Variants in TMX3 observed in about 807,000 individuals in gnomAD.
TMX3 encodes protein disulfide-isomerase TMX3.
TMX3 carries 40 observed loss-of-function variants against 64.4 expected under a neutral mutation model. The ratio of observed to expected loss-of-function variants is 0.62; its 90% CI spans 0.48 to 0.81. The LOEUF (loss-of-function observed/expected upper bound fraction) is 0.81, where lower values mean the gene tolerates loss of function less well. Among genes scored for constraint, TMX3 ranks in the 30% least tolerant of loss-of-function variants. The pLI, the probability that TMX3 is intolerant of heterozygous loss-of-function variation, is 0.00. For missense variants in TMX3, 497 were observed against 534.5 expected, an observed-to-expected ratio of 0.93 and a Z score of 0.69; for synonymous variants, 189 against 175.7, an observed-to-expected ratio of 1.08 and a Z score of -0.60.
chr18:68,681,668 A>G, intron 13 of TMX3: 1 of 977,282 alleles, frequency 1.0e-6, no homozygotes, highest in Non-Finnish European at 1.2e-6. Flanking sequence ...GTTCTTACTT[A>G]GAAAATAGAA....
intron 4 of TMX3, among the ~76,000 whole-genome samples, chr18:68,703,759 T>C (rs550361510): frequency 3.9e-5 from 6 of 152,000 alleles, no homozygotes; most frequent in Non-Finnish European, 8.8e-5. Flanking sequence ...TGAAACCCCG[T>C]CTCTACTAAA....
At chr18:68,709,690 A>G (rs2031062577) in intron 4 of TMX3, among the ~76,000 whole-genome samples, 1 of 152,118 alleles carries the variant, frequency 6.6e-6, no homozygotes, top group Non-Finnish European at 1.5e-5. Flanking sequence ...AGCACATCTC[A>G]GGCTACTCAG....
intron 11 of TMX3, 50 bp from the exon 12 acceptor site, chr18:68,684,293 T>G (rs757516678): frequency 6.5e-7 from 1 of 1,529,850 alleles, no homozygotes; most frequent in South Asian, 1.2e-5. Flanking sequence ...TTGAAAAACA[T>G]AATTTTTCAA....
chr18:68,703,673 T>C (rs2030355856), intron 4 of TMX3, among the ~76,000 whole-genome samples: 1 of 152,102 alleles, frequency 6.6e-6, no homozygotes, highest in Non-Finnish European at 1.5e-5. Context: ...CAGTATAACA[T>C]TTAAAAAAAG....
At chr18:68,683,159 A>T (rs938181128) in intron 12 of TMX3, among the ~76,000 whole-genome samples, 178 bp from the exon 13 acceptor site, 1 of 152,182 alleles carries the variant, frequency 6.6e-6, no homozygotes, top group East Asian at 1.9e-4. Flanking sequence ...AACACTGCTA[A>T]AAGTGTAAAT....
rs1012749171 is a variant in TMX3, at chr18:68,694,438, G to A, written c.570+2788C>T. On this transcript the variant is annotated intron_variant, in intron 8 of 15. Coordinates refer to ENST00000299608, the MANE Select transcript of TMX3 (RefSeq NM_019022.5). ...GCAGGTGCCTGGAGCTGCCTTCCCC[G>A]TGGCAGCCAGCATGCCTGGCTGTGC... is the stretch of plus-strand genomic sequence containing the variant. 3.3e-5 allele frequency among the ~76,000 whole-genome samples: 5 copies of A among 152,294 alleles called. No homozygotes were observed. The South Asian group carries it at 6.2e-4, about 19-fold the overall frequency.
At chr18:68,693,268 C>T (rs909563284) in intron 8 of TMX3, among the ~76,000 whole-genome samples, 3 of 152,144 alleles carry the variant, frequency 2.0e-5, no homozygotes, top group Non-Finnish European at 2.9e-5. Context: ...AGGGACTGCA[C>T]GCTCCGTGGA....
chr18:68,684,436 T>G lies in TMX3; in HGVS notation c.786A>C (p.Glu262Asp), dbSNP rs776123345. 1 of 1,612,782 alleles carries G rather than the reference T, an allele frequency of 6.2e-7. No individual in the cohort carries two copies. Among genetic ancestry groups the G allele is most frequent in the Non-Finnish European group, 8.5e-7 (1 of 1,179,430 alleles). The change falls in exon 11 of 16, where the codon GAA becomes GAC. Residue 262 changes from glutamate to aspartate, a missense_variant. Glu to Asp is a conservative substitution (Grantham distance 45). Around this residue, in one of 3 missense-constraint regions of TMX3, gnomAD observed 360 missense variants for 383.5 expected, o/e 0.94. Transcript: ENST00000299608. ...ATATCAAGGCATTATACCTGGTATG[T>G]TCAACTGATGTATTTTTCTCATCAA... ...AVIDEKNTSVEHTRLKSIIQE... is the reference protein window; with the variant it reads ...AVIDEKNTSVDHTRLKSIIQE...
chr18:68,678,285 G>C (rs1209017055), intron 15 of TMX3, among the ~76,000 whole-genome samples: 1 of 152,154 alleles, frequency 6.6e-6, no homozygotes, highest in African/African-American at 2.4e-5. Flanking sequence ...TTGGGCCACA[G>C]TGAATGAAAA....
chr18:68,700,919 A>G (rs2029995996), intron 5 of TMX3: 2 of 985,122 alleles, frequency 2.0e-6, no homozygotes, highest in Non-Finnish European at 1.2e-6. Flanking sequence ...ATGCTCCAAC[A>G]TTACAGAGTA....
intron 10 of TMX3, among the ~76,000 whole-genome samples, chr18:68,685,156 C>T (rs1599302928): frequency 6.6e-6 from 1 of 152,148 alleles, no homozygotes; most frequent in East Asian, 1.9e-4. Flanking sequence ...GGCACCATAC[C>T]AAGCCACAGG....
chr18:68,700,489 T>TAAA lies in TMX3; in HGVS notation c.312-7_312-5dup. 4.1e-5 allele frequency: 48 copies of TAAA among 1,168,568 alleles called. No homozygotes were observed. The highest frequency in any genetic ancestry group is 2.3e-4 in the Middle Eastern group (1 of 4,428). The allele number at this position is 1,168,568 out of a possible 1,614,324, so 72.4% of individuals were successfully genotyped here. On this transcript the variant is annotated splice_region_variant and splice_polypyrimidine_tract_variant and intron_variant, in intron 5 of 15. Coordinates refer to ENST00000299608, the MANE Select transcript of TMX3 (RefSeq NM_019022.5). ...ATATGCCAAGTCCCCTTTTAATCTT[T>TAAA]AAAAAAAAAAAAAAATTAAAACCTG...
intron 4 of TMX3, among the ~76,000 whole-genome samples, chr18:68,706,828 T>C (rs988006109): frequency 6.6e-6 from 1 of 152,230 alleles, no homozygotes; most frequent in African/African-American, 2.4e-5. Context: ...GGCAAAAATC[T>C]GTTTGTAATA....
At chr18:68,709,998 T>C (rs1308480768) in intron 4 of TMX3, 23 bp downstream of exon 4, 2 of 1,564,266 alleles carry the variant, frequency 1.3e-6, no homozygotes, top group African/African-American at 1.4e-5. Flanking sequence ...AACAGTAAAA[T>C]AATAAACTAA....
chr18:68,676,834 A>T lies in TMX3; in HGVS notation c.*99T>A. ...TTGATATTAGCAAAATACGAATAAC[A>T]TGTTCTTTTCTGTAAAGATCATGAT... On this transcript the variant is annotated 3_prime_UTR_variant, in exon 16 of 16. Transcript: ENST00000299608. 7.0e-7 allele frequency: 1 copy of T among 1,433,824 alleles called. No individual in the cohort carries two copies. Among genetic ancestry groups the T allele is most frequent in the South Asian group, 1.4e-5 (1 of 71,026 alleles). 88.8% of individuals were successfully genotyped at this position (1,433,824 alleles called of 1,614,324 possible). A position where few individuals can be genotyped will look rare whatever the true frequency, so the allele number is the denominator to read the frequency against.
At chr18:68,696,168 TTA>T (rs1183121128) in intron 8 of TMX3, among the ~76,000 whole-genome samples, 1 of 152,186 alleles carries the variant, frequency 6.6e-6, no homozygotes, top group Non-Finnish European at 1.5e-5. Flanking sequence ...ATTTTTTAAA[TTA>T]TGATTATTAC....
intron 4 of TMX3, among the ~76,000 whole-genome samples, chr18:68,707,952 T>C (rs2030850176): frequency 1.3e-5 from 2 of 149,824 alleles, no homozygotes; most frequent in Non-Finnish European, 3.0e-5. Flanking sequence ...TATATATGTG[T>C]ATATATGTGT....
At chr18:68,713,938 A>T in intron 1 of TMX3, 38 bp from the exon 2 acceptor site, 1 of 1,436,876 alleles carries the variant, frequency 7.0e-7, no homozygotes, top group Non-Finnish European at 9.6e-7. Flanking sequence ...ATAAATGCTG[A>T]TTATTTGGCT....
At chr18:68,691,002 T>G in intron 9 of TMX3, 1 of 306,542 alleles carries the variant, frequency 3.3e-6, no homozygotes. Flanking sequence ...AAAAATGAAT[T>G]CTGAACATTT....
Sources: gnomAD v4.1 joint callset for allele counts (sites outside exome capture counted in the v4.1 genomes callset) on GRCh38, gnomAD v4.1.1 for gene constraint, gnomAD v4.1.1 regional missense constraint, MANE v1.5 for transcripts, NCBI Gene and HGNC (gene_info 2026-07-23, HGNC 2026-07-21) for gene names.